PCDH11X: variants seen among roughly 807,000 people sequenced by gnomAD.
PCDH11X encodes protocadherin 11 X-linked.
PCDH11X carries 18 observed loss-of-function variants against 53.3 expected under a neutral mutation model. The observed-to-expected ratio is 0.34, with a 90% CI of 0.23 to 0.50. The LOEUF (loss-of-function observed/expected upper bound fraction) is 0.50. Ranked by LOEUF, PCDH11X falls within the 20% of genes least tolerant of loss-of-function variation. The pLI is 0.98. For missense variants in PCDH11X, 570 were observed against 1,032.4 expected (o/e 0.55, Z 6.14); for synonymous variants, 279 against 393.3 (o/e 0.71, Z 3.44).
At chrX:91,954,362 A>G (rs1288722612) in intron 6 of PCDH11X, among the ~76,000 whole-genome samples, 1 of 111,275 alleles carries the variant, frequency 9.0e-6, no homozygotes, top group Non-Finnish European at 1.9e-5. Flanking sequence ...TCTATCATTG[A>G]TGGGCATTTG....
intron 6 of PCDH11X, among the ~76,000 whole-genome samples, chrX:91,929,299 A>G (rs1406509605): frequency 2.7e-5 from 3 of 110,792 alleles, no homozygotes; most frequent in Admixed American, 9.7e-5. Flanking sequence ...TGACAGTCAC[A>G]TATACAGAGA....
At chrX:91,866,837 A>G (rs1249492164) in intron 5 of PCDH11X, among the ~76,000 whole-genome samples, 1 of 109,666 alleles carries the variant, frequency 9.1e-6, no homozygotes, top group East Asian at 2.9e-4. Context: ...TCATTATAGT[A>G]TTTTTTTTCT....
At chrX:91,871,349 A>G (rs1350867087) in intron 5 of PCDH11X, among the ~76,000 whole-genome samples, 1 of 105,928 alleles carries the variant, frequency 9.4e-6, no homozygotes, top group Non-Finnish European at 1.9e-5. Flanking sequence ...ATATCAGGTT[A>G]GTTATTGATA....
intron 6 of PCDH11X, among the ~76,000 whole-genome samples, chrX:92,158,526 G>T (rs1055194836): frequency 9.0e-6 from 1 of 111,144 alleles, no homozygotes; most frequent in Non-Finnish European, 1.9e-5. Context: ...AAGAAAAAAA[G>T]AAAAGGAAAT....
intron 6 of PCDH11X, among the ~76,000 whole-genome samples, chrX:92,026,723 CTT>C (rs1569315473): frequency 2.5e-5 from 2 of 81,220 alleles, no homozygotes; most frequent in Non-Finnish European, 4.6e-5. Flanking sequence ...GAAAAGAAAA[CTT>C]TTACTCTATT....
At chrX:92,595,276 CCAA>C (rs968889991) in intron 10 of PCDH11X, among the ~76,000 whole-genome samples, 1 of 109,894 alleles carries the variant, frequency 9.1e-6, no homozygotes, top group African/African-American at 3.3e-5. Flanking sequence ...CCCAAAAAGC[CCAA>C]ATTATCTTGG....
rs138222410 is a variant in PCDH11X at position 91,999,869 on chromosome X, T to C, written c.3033+120596T>C. Among the ~76,000 whole-genome samples, 1,076 of 111,873 alleles carry C rather than the reference T, an allele frequency of 9.6e-3. 19 individuals carry two copies. Among genetic ancestry groups the C allele is most frequent in the African/African-American group, 0.033 (1,019 of 30,763 alleles). ...GATTAAGGCTACATGAATAGCTTCA[T>C]GGCTTGCAGCAGTTCAGAGTAAGCA... On this transcript the variant is annotated intron_variant, in intron 6 of 10. Transcript: ENST00000682573.
At chrX:92,602,057 G>C (rs1447192396) in intron 10 of PCDH11X, among the ~76,000 whole-genome samples, 2 of 112,105 alleles carry the variant, frequency 1.8e-5, no homozygotes, top group African/African-American at 6.5e-5. Context: ...TCACCTGTCT[G>C]CTAAAAAGCA....
intron 6 of PCDH11X, among the ~76,000 whole-genome samples, chrX:91,917,756 A>G (rs1269821263): frequency 2.8e-5 from 3 of 106,830 alleles, no homozygotes; most frequent in Non-Finnish European, 3.9e-5. Context: ...ACCAAAAGCA[A>G]TCTACAGATT....
At chrX:92,080,932 T>C (rs2148100010) in intron 6 of PCDH11X, among the ~76,000 whole-genome samples, 1 of 111,187 alleles carries the variant, frequency 9.0e-6, no homozygotes, top group African/African-American at 3.3e-5. Context: ...CTGTTCTTGG[T>C]GATAAAAATG....
At chrX:91,836,259 G>T (rs2147619872) in intron 5 of PCDH11X, among the ~76,000 whole-genome samples, 1 of 108,112 alleles carries the variant, frequency 9.2e-6, no homozygotes, top group African/African-American at 3.6e-5. Flanking sequence ...TTTTCAAACA[G>T]CTGTGTTTCC....
At chrX:92,197,520 T>A (rs1364513705) in intron 6 of PCDH11X, among the ~76,000 whole-genome samples, 1 of 111,875 alleles carries the variant, frequency 8.9e-6, no homozygotes, top group East Asian at 2.8e-4. Flanking sequence ...ACAGTAAGGG[T>A]CATGCTTTCT....
chrX:92,081,008 T>A (rs1184594277), intron 6 of PCDH11X, among the ~76,000 whole-genome samples: 6 of 110,834 alleles, frequency 5.4e-5, no homozygotes, highest in Middle Eastern at 4.6e-3. Context: ...AGAAACAGAA[T>A]GAAAGTCAGA....
intron 9 of PCDH11X, among the ~76,000 whole-genome samples, chrX:92,406,617 C>A (rs1347004896): frequency 1.0e-5 from 1 of 95,649 alleles, no homozygotes; most frequent in African/African-American, 3.9e-5. Flanking sequence ...TCATATCACC[C>A]TTTATTATTA....
intron 6 of PCDH11X, among the ~76,000 whole-genome samples, chrX:92,179,329 G>A (rs1361122134): frequency 8.9e-6 from 1 of 112,201 alleles, no homozygotes; most frequent in Non-Finnish European, 1.9e-5. Context: ...CTAAAAGGCA[G>A]AAAACTTGAA....
chrX:92,279,413 A>G (rs1002951200), intron 8 of PCDH11X, among the ~76,000 whole-genome samples: 1 of 112,129 alleles, frequency 8.9e-6, no homozygotes, highest in African/African-American at 3.2e-5. Flanking sequence ...GCAAATCACA[A>G]ATATTGCCCT....
rs1475318599 is a variant in PCDH11X at position 91,814,748 on chromosome X, C to T, written c.-45+3453C>T. ...ACAAGAAAAGATCTTAGAGATAAAT[C>T]CCAACGCTACTCACCCTCAGTGAGT... On this transcript the variant is annotated intron_variant, in intron 4 of 10. Coordinates refer to ENST00000682573, the MANE Select transcript of PCDH11X (RefSeq NM_032968.5). Among the ~76,000 whole-genome samples, 13 of 89,426 alleles carry T rather than the reference C, an allele frequency of 1.5e-4. 1 individual carries two copies. The highest frequency in any genetic ancestry group is 3.4e-4 in the East Asian group (1 of 2,926). The allele number at this position is 89,426 out of a possible 115,157, so 77.7% of individuals were successfully genotyped here.
chrX:92,125,747 C>G (rs1316905544), intron 6 of PCDH11X, among the ~76,000 whole-genome samples: 1 of 109,902 alleles, frequency 9.1e-6, no homozygotes, highest in South Asian at 3.9e-4. Flanking sequence ...GTGCTGCACT[C>G]GTTAACTCGT....
intron 6 of PCDH11X, among the ~76,000 whole-genome samples, chrX:92,132,877 G>A (rs1208098213): frequency 9.3e-6 from 1 of 107,466 alleles, no homozygotes; most frequent in Admixed American, 1.0e-4. Flanking sequence ...AACTCCATTG[G>A]ATTAACAAGA....
Sources: allele counts gnomAD v4.1 joint callset (sites outside exome capture counted in the v4.1 genomes callset), GRCh38; gene constraint gnomAD v4.1.1; transcripts MANE v1.5; gene names NCBI Gene and HGNC (gene_info 2026-07-23, HGNC 2026-07-21).